The following BNC2 variants were observed in gnomAD, a reference collection of about 807,000 sequenced individuals.
BNC2 encodes basonuclin zinc finger protein 2.
BNC2 carries 20 observed loss-of-function variants against 76.3 expected under a neutral mutation model. The ratio of observed to expected loss-of-function variants is 0.26; its 90% CI spans 0.18 to 0.38. BNC2 has a LOEUF of 0.38. Ranked by LOEUF, BNC2 falls within the 10% of genes least tolerant of loss-of-function variation. BNC2 has a pLI of 1.00. For missense variants in BNC2, 1,382 were observed against 1,399.8 expected (o/e 0.99, Z 0.20); for synonymous variants, 582 against 514.8 (o/e 1.13, Z -1.77).
chr9:16,723,750 G>A (rs1824235776), intron 3 of BNC2, among the ~76,000 whole-genome samples: 1 of 151,968 alleles, frequency 6.6e-6, no homozygotes. Flanking sequence ...CAGACGCTCT[G>A]GTATTAATGT....
chr9:16,870,064 T>A (rs1280619873), intron 1 of BNC2, among the ~76,000 whole-genome samples: 1 of 152,012 alleles, frequency 6.6e-6, no homozygotes, highest in Non-Finnish European at 1.5e-5. Flanking sequence ...GAGCATTTCC[T>A]CCCATCTCCA....
At chr9:16,528,373 G>A (rs767856997) in intron 5 of BNC2, among the ~76,000 whole-genome samples, 3 of 152,118 alleles carry the variant, frequency 2.0e-5, no homozygotes, top group Admixed American at 6.6e-5. Context: ...AAAACTTGTT[G>A]AGGATATTTA....
chr9:16,825,211 G>A lies in BNC2; in HGVS notation c.3+45435C>T, dbSNP rs533266466. ...CCACTTTTCAAAGATGGTACCTAGA[G>A]ATGCTGAGCTGAAAATCATTTATTT... is the stretch of plus-strand genomic sequence containing the variant. On this transcript the variant is annotated intron_variant, in intron 1 of 6. Transcript: ENST00000380672. 5.3e-5 allele frequency among the ~76,000 whole-genome samples: 8 copies of A among 152,222 alleles called. No individual in the cohort carries two copies. In the South Asian group the frequency reaches 8.3e-4, roughly 16 times the overall value.
intron 5 of BNC2, among the ~76,000 whole-genome samples, chr9:16,480,308 T>G (rs1032554659): frequency 6.6e-6 from 1 of 152,158 alleles, no homozygotes; most frequent in Non-Finnish European, 1.5e-5. Flanking sequence ...CCCAATCTGT[T>G]AAATCATTAC....
intron 1 of BNC2, among the ~76,000 whole-genome samples, chr9:16,822,020 A>C (rs1441554826): frequency 1.3e-5 from 2 of 150,674 alleles, no homozygotes; most frequent in African/African-American, 2.4e-5. Flanking sequence ...ATGAACCCGG[A>C]AAGCGGAGCC....
At chr9:16,584,908 G>A (rs1819727458) in intron 3 of BNC2, among the ~76,000 whole-genome samples, 1 of 152,036 alleles carries the variant, frequency 6.6e-6, no homozygotes, top group Non-Finnish European at 1.5e-5. Flanking sequence ...CGGGAACTAT[G>A]TTGACATTAA....
intron 5 of BNC2, among the ~76,000 whole-genome samples, chr9:16,548,932 C>A (rs1818572181): frequency 6.6e-6 from 1 of 152,106 alleles, no homozygotes; most frequent in Non-Finnish European, 1.5e-5. Flanking sequence ...GCATTTTATA[C>A]CCAACTGGCT....
intron 3 of BNC2, among the ~76,000 whole-genome samples, chr9:16,652,652 A>T (rs992095848): frequency 2.6e-5 from 4 of 152,322 alleles, no homozygotes; most frequent in South Asian, 2.1e-4. Context: ...ACATGATATC[A>T]TCACTTTTCT....
chr9:16,577,550 T>C (rs1819520570), intron 4 of BNC2, among the ~76,000 whole-genome samples: 1 of 151,866 alleles, frequency 6.6e-6, no homozygotes, highest in African/African-American at 2.4e-5. Context: ...AAATATCTAC[T>C]GACTGATGAT....
rs187263310 is a variant in BNC2, at chr9:16,688,966, G to C, written c.330+38831C>G. ...TTGTGTATAATCAGCAGAAACAAAAGATATGACAAGTATAAAGGCCTCTCT... is the reference window on the plus strand; with the variant it reads ...TTGTGTATAATCAGCAGAAACAAAACATATGACAAGTATAAAGGCCTCTCT... On this transcript the variant is annotated intron_variant, in intron 3 of 6. Transcript: ENST00000380672. Among the ~76,000 whole-genome samples, 8 of 152,156 alleles carry C rather than the reference G, an allele frequency of 5.3e-5. No homozygotes were observed. In the East Asian group the frequency reaches 1.5e-3, roughly 29 times the overall value.
intron 1 of BNC2, among the ~76,000 whole-genome samples, chr9:16,776,832 T>C (rs765761599): frequency 6.6e-5 from 10 of 152,144 alleles, no homozygotes; most frequent in Non-Finnish European, 1.0e-4. Flanking sequence ...CTTTAAAAGA[T>C]AGGACAGTGG....
intron 1 of BNC2, among the ~76,000 whole-genome samples, chr9:16,830,379 G>C (rs1187414569): frequency 6.6e-6 from 1 of 152,218 alleles, no homozygotes; most frequent in South Asian, 2.1e-4. Flanking sequence ...AATTGGTGTA[G>C]CATTTGCATA....
chr9:16,665,249 A>AATCCCAG (rs1347610326), intron 3 of BNC2: 2 of 363,556 alleles, frequency 5.5e-6, no homozygotes, highest in East Asian at 1.6e-4. Context: ...GCATGCCTGT[A>AATCCCAG]ATCCCAGCTA....
intron 5 of BNC2, among the ~76,000 whole-genome samples, chr9:16,455,944 T>C (rs1275940595): frequency 6.6e-6 from 1 of 152,230 alleles, no homozygotes; most frequent in Non-Finnish European, 1.5e-5. Flanking sequence ...GCTTGCCTTA[T>C]TCCAACTTTT....
intron 5 of BNC2, among the ~76,000 whole-genome samples, chr9:16,442,757 GA>G (rs1821153377): frequency 6.6e-6 from 1 of 152,162 alleles, no homozygotes; most frequent in Non-Finnish European, 1.5e-5. Context: ...AAGTGAGGAA[GA>G]AACACTGGAC....
chr9:16,572,447 A>G (rs1819351991), intron 4 of BNC2, among the ~76,000 whole-genome samples: 1 of 152,200 alleles, frequency 6.6e-6, no homozygotes, highest in Admixed American at 6.5e-5. Flanking sequence ...AATCTGAGTG[A>G]GACTTTTCCA....
At chr9:16,578,041 A>AT (rs75035265) in intron 4 of BNC2, among the ~76,000 whole-genome samples, 10 of 151,794 alleles carry the variant, frequency 6.6e-5, no homozygotes, top group East Asian at 3.9e-4. Context: ...TTAAAAAAAA[A>AT]TTTTTTTTTG....
chr9:16,453,644 C>T (rs1587045201), intron 5 of BNC2, among the ~76,000 whole-genome samples: 1 of 152,208 alleles, frequency 6.6e-6, no homozygotes, highest in Non-Finnish European at 1.5e-5. Context: ...CATTACAACT[C>T]CTCCCTTTAA....
At chr9:16,841,759 A>G (rs62541875) in intron 1 of BNC2, among the ~76,000 whole-genome samples, 12,478 of 152,222 alleles carry the variant, frequency 0.082, 686 homozygotes, top group Middle Eastern at 0.15. Flanking sequence ...ATGACTGCCC[A>G]TTGCAAAAGA....
Sources: allele counts gnomAD v4.1 joint callset (sites outside exome capture counted in the v4.1 genomes callset), GRCh38; gene constraint gnomAD v4.1.1; transcripts MANE v1.5; gene names NCBI Gene and HGNC (gene_info 2026-07-23, HGNC 2026-07-21).